FRMD4A: variants seen among roughly 807,000 people sequenced by gnomAD.
FRMD4A encodes the protein FERM domain-containing protein 4A.
Under a neutral mutation model 129.1 loss-of-function variants are expected in FRMD4A, and 29 were observed. That is an observed-to-expected ratio of 0.22 (90% CI 0.17 to 0.31). The LOEUF (loss-of-function observed/expected upper bound fraction) is 0.31. Ranked by LOEUF, FRMD4A falls within the 10% of genes least tolerant of loss-of-function variation. FRMD4A has a pLI of 1.00. For synonymous variants in FRMD4A, 634 were observed against 571.6 expected (o/e 1.11, Z -1.56); for missense variants, 1,272 against 1,375.8 (o/e 0.92, Z 1.19).
intron 2 of FRMD4A, among the ~76,000 whole-genome samples, chr10:13,994,928 T>C (rs2095617093): frequency 6.6e-6 from 1 of 152,186 alleles, no homozygotes; most frequent in African/African-American, 2.4e-5. Flanking sequence ...TTTGAGTTTA[T>C]AATGCCTCTA....
chr10:14,009,391 C>A (rs1391067763), intron 2 of FRMD4A, among the ~76,000 whole-genome samples: 1 of 152,000 alleles, frequency 6.6e-6, no homozygotes, highest in East Asian at 1.9e-4. Context: ...AAGGGATGGC[C>A]ATTTCCTTTG....
Position 14,313,206 on chromosome 10 carries a change from T to G in FRMD4A, c.45+16852A>C, listed in dbSNP as rs569373318. Among the ~76,000 whole-genome samples the G allele has an allele frequency of 2.0e-4, 31 of 151,586 alleles. No homozygotes were observed. In the East Asian group the frequency reaches 5.9e-3, roughly 29 times the overall value. Reference sequence around the variant, plus strand: ...CATTTCTACCAAAAAAAAAAAATTTTTTTTTAATTAACCAGGTGTGGTGGT... The same window carrying G: ...CATTTCTACCAAAAAAAAAAAATTTGTTTTTAATTAACCAGGTGTGGTGGT... On this transcript the variant is annotated intron_variant, in intron 2 of 24. Coordinates refer to ENST00000357447, the MANE Select transcript of FRMD4A (RefSeq NM_018027.5).
intron 15 of FRMD4A, among the ~76,000 whole-genome samples, chr10:13,686,124 T>C (rs1456749984): frequency 2.6e-5 from 4 of 152,178 alleles, no homozygotes; most frequent in Non-Finnish European, 5.9e-5. Context: ...GGCTGCGCCC[T>C]GGGGCAGAGC....
At chr10:14,091,750 CT>C (rs1836674611) in intron 2 of FRMD4A, among the ~76,000 whole-genome samples, 1 of 152,206 alleles carries the variant, frequency 6.6e-6, no homozygotes, top group Admixed American at 6.5e-5. Flanking sequence ...AGTTTTCTTA[CT>C]TGGGTATTTT....
At chr10:14,030,966 C>T (rs1833213530) in intron 2 of FRMD4A, among the ~76,000 whole-genome samples, 1 of 152,192 alleles carries the variant, frequency 6.6e-6, no homozygotes, top group Non-Finnish European at 1.5e-5. Context: ...TCAAGACTTT[C>T]AAAACTCAGA....
At chr10:13,975,530 GTGTT>G (rs777953558) in intron 2 of FRMD4A, among the ~76,000 whole-genome samples, 196 of 151,656 alleles carry the variant, frequency 1.3e-3, no homozygotes, top group Middle Eastern at 3.4e-3. Context: ...CTGTGTCTGT[GTGTT>G]TGTGTGGGTC....
intron 17 of FRMD4A, among the ~76,000 whole-genome samples, chr10:13,666,784 G>A (rs747020990): frequency 7.9e-5 from 12 of 152,166 alleles, no homozygotes; most frequent in South Asian, 2.1e-4. Flanking sequence ...GCTAATGCAC[G>A]GGCCTCTGAC....
intron 2 of FRMD4A, among the ~76,000 whole-genome samples, chr10:14,013,936 C>T (rs537378673): frequency 6.6e-6 from 1 of 152,258 alleles, no homozygotes; most frequent in South Asian, 2.1e-4. Context: ...CATTTCAAAA[C>T]AAAAACAAAC....
rs184562321 is a variant in FRMD4A, at chr10:13,983,600, T to C, written c.46-124688A>G. Among the ~76,000 whole-genome samples, 5 of 152,230 alleles carry C rather than the reference T, an allele frequency of 3.3e-5. No individual in the cohort carries two copies. The East Asian group carries it at 9.6e-4, about 29-fold the overall frequency. On this transcript the variant is annotated intron_variant, in intron 2 of 24. Coordinates refer to ENST00000357447, the MANE Select transcript of FRMD4A (RefSeq NM_018027.5). ...AGAAGAAGGAAATTGGTTTGAGGTATTGGTTATTTCCCTCTTGTTGCAGAA... is the reference window on the plus strand; with the variant it reads ...AGAAGAAGGAAATTGGTTTGAGGTACTGGTTATTTCCCTCTTGTTGCAGAA...
chr10:13,890,948 C>T, intron 2 of FRMD4A: 1 of 754,546 alleles, frequency 1.3e-6, no homozygotes. Flanking sequence ...AAAAAGGCAC[C>T]AAGTCGCTCG....
chr10:14,248,557 C>A (rs1006684713), intron 2 of FRMD4A, among the ~76,000 whole-genome samples: 1 of 152,054 alleles, frequency 6.6e-6, no homozygotes, highest in African/African-American at 2.4e-5. Flanking sequence ...AAATTTTTTC[C>A]CAAGCTGTAA....
intron 2 of FRMD4A, among the ~76,000 whole-genome samples, chr10:13,915,053 C>T (rs2094984979): frequency 6.6e-6 from 1 of 152,132 alleles, no homozygotes; most frequent in East Asian, 1.9e-4. Context: ...CAAACCACAA[C>T]AAACCACAGT....
At chr10:13,895,861 T>C (rs1275481608) in intron 2 of FRMD4A, among the ~76,000 whole-genome samples, 2 of 152,084 alleles carry the variant, frequency 1.3e-5, no homozygotes, top group African/African-American at 2.4e-5. Context: ...GGGCAAAAGA[T>C]ATGAACAGAC....
intron 4 of FRMD4A, among the ~76,000 whole-genome samples, chr10:13,810,093 G>C (rs1418979103): frequency 1.3e-5 from 2 of 152,236 alleles, no homozygotes; most frequent in Non-Finnish European, 2.9e-5. Flanking sequence ...GAGAGAGAGA[G>C]AGTCTGTGTG....
intron 2 of FRMD4A, among the ~76,000 whole-genome samples, chr10:14,273,103 C>A (rs1361554993): frequency 6.6e-6 from 1 of 151,762 alleles, no homozygotes; most frequent in Non-Finnish European, 1.5e-5. Flanking sequence ...CACACACACA[C>A]ACATACAAAT....
At chr10:13,663,371 A>C (rs2082783484) in intron 19 of FRMD4A, 82 bp downstream of exon 19, 2 of 819,346 alleles carry the variant, frequency 2.4e-6, no homozygotes, top group Admixed American at 3.7e-5. Context: ...GCCTTTACAC[A>C]AGGCAATCCC....
intron 12 of FRMD4A, among the ~76,000 whole-genome samples, chr10:13,714,034 ATATAT>A (rs2088465721): frequency 1.8e-4 from 2 of 11,114 alleles, no homozygotes; most frequent in African/African-American, 6.4e-4. Context: ...ATACATATAT[ATATAT>A]ATATATATAT....
At chr10:13,853,448 G>A (rs1258450340) in intron 3 of FRMD4A, among the ~76,000 whole-genome samples, 1 of 152,148 alleles carries the variant, frequency 6.6e-6, no homozygotes, top group Non-Finnish European at 1.5e-5. Context: ...TGAGATGGGA[G>A]GATCACTTGA....
Position 13,928,137 on chromosome 10 carries a change from C to T in FRMD4A, c.46-69225G>A, listed in dbSNP as rs986957421. ...CCAGGCTCAAGCAATCCTCCTACCTCAGCCTCCCAAGTAGTTGGGACTATA... is the reference window on the plus strand; with the variant it reads ...CCAGGCTCAAGCAATCCTCCTACCTTAGCCTCCCAAGTAGTTGGGACTATA... On this transcript the variant is annotated intron_variant, in intron 2 of 24. Coordinates refer to ENST00000357447, the MANE Select transcript of FRMD4A (RefSeq NM_018027.5). Among the ~76,000 whole-genome samples the T allele has an allele frequency of 2.0e-5, 3 of 151,854 alleles. No homozygotes were observed. In the East Asian group the frequency reaches 5.8e-4, roughly 29 times the overall value.
Sources: gnomAD v4.1 joint callset for allele counts (sites outside exome capture counted in the v4.1 genomes callset) on GRCh38, gnomAD v4.1.1 for gene constraint, MANE v1.5 for transcripts, NCBI Gene and HGNC (gene_info 2026-07-23, HGNC 2026-07-21) for gene names.